STAG2: variants seen among roughly 807,000 people sequenced by gnomAD.
STAG2 encodes STAG2 cohesin complex component.
In STAG2, 14 loss-of-function variants were observed where a neutral mutation model predicts 108.1. The observed-to-expected ratio is 0.13, with a 90% CI of 0.09 to 0.20. The LOEUF is 0.20. STAG2 is among the 10% of genes least tolerant of loss of function. The pLI, the probability that STAG2 is intolerant of heterozygous loss-of-function variation, is 1.00. For synonymous variants in STAG2, 307 were observed against 302.7 expected (o/e 1.01, Z -0.15); for missense variants, 440 against 940.9 (o/e 0.47, Z 6.96).
At chrX:124,001,292 G>A (rs1280369406) in intron 1 of STAG2, among the ~76,000 whole-genome samples, 1 of 110,975 alleles carries the variant, frequency 9.0e-6, no homozygotes, top group Non-Finnish European at 1.9e-5. Flanking sequence ...GGGTTTCACC[G>A]TGTTAGCCAG....
chrX:124,100,290 G>C (rs776884316), intron 34 of STAG2, among the ~76,000 whole-genome samples: 94 of 111,039 alleles, frequency 8.5e-4, no homozygotes, highest in Non-Finnish European at 1.9e-4. Flanking sequence ...TATGTTTAGG[G>C]TATTATCTAG....
At chrX:124,015,187 C>T (rs1331486334) in intron 1 of STAG2, among the ~76,000 whole-genome samples, 1 of 106,210 alleles carries the variant, frequency 9.4e-6, no homozygotes, top group African/African-American at 3.4e-5. Flanking sequence ...GGGGTTTCAC[C>T]GTGTTAGCCA....
At chrX:123,981,790 T>C (rs959138652) in intron 1 of STAG2, among the ~76,000 whole-genome samples, 2 of 111,538 alleles carry the variant, frequency 1.8e-5, no homozygotes, top group African/African-American at 6.5e-5. Flanking sequence ...CTTGCCCTTA[T>C]GGAATTTACA....
intron 8 of STAG2, among the ~76,000 whole-genome samples, chrX:124,045,775 T>C (rs1458584921): frequency 9.0e-6 from 1 of 111,047 alleles, no homozygotes; most frequent in Non-Finnish European, 1.9e-5. Context: ...TTTTGAAAGA[T>C]ATGTTACCAG....
At chrX:124,069,216 TA>T in intron 24 of STAG2, among the ~76,000 whole-genome samples, 1 of 112,498 alleles carries the variant, frequency 8.9e-6, no homozygotes, top group Middle Eastern at 4.6e-3. Context: ...ATCCTAGAAC[TA>T]ACATCATGTT....
chrX:123,965,065 T>A (rs1294434822), intron 1 of STAG2, among the ~76,000 whole-genome samples: 2 of 107,006 alleles, frequency 1.9e-5, no homozygotes, highest in Non-Finnish European at 3.8e-5. Flanking sequence ...CCGAAAGGAA[T>A]CCAAAACAAT....
intron 34 of STAG2, among the ~76,000 whole-genome samples, chrX:124,097,079 C>T (rs979312390): frequency 2.0e-5 from 2 of 99,589 alleles, no homozygotes; most frequent in East Asian, 6.7e-4. Flanking sequence ...CTCAGGAGGG[C>T]GAGGTGGGAG....
At chrX:124,048,920 C>CT in intron 9 of STAG2, 85 bp from the exon 10 acceptor site, 2 of 760,093 alleles carry the variant, frequency 2.6e-6, no homozygotes, top group Non-Finnish European at 4.0e-6. Context: ...GGGAATTCTG[C>CT]TTTTTTTGTG....
intron 13 of STAG2, among the ~76,000 whole-genome samples, chrX:124,051,748 G>A (rs1569513133): frequency 9.1e-6 from 1 of 110,419 alleles, no homozygotes; most frequent in Admixed American, 9.6e-5. Flanking sequence ...CCGCCACGAC[G>A]CCTGGCTTAT....
chrX:123,971,081 A>T (rs1204787927), intron 1 of STAG2, among the ~76,000 whole-genome samples: 1 of 111,893 alleles, frequency 8.9e-6, no homozygotes, highest in Non-Finnish European at 1.9e-5. Flanking sequence ...AAGAAACTGA[A>T]GCATAGGGAG....
At chrX:124,066,098 A>T (rs1239346573) in intron 21 of STAG2, 77 bp from the exon 22 acceptor site, 1 of 987,275 alleles carries the variant, frequency 1.0e-6, no homozygotes. Flanking sequence ...TTAACAGTCA[A>T]GTCCAAAACA....
rs747993458 is a variant in STAG2 at position 123,967,173 on chromosome X, C to G, written c.-163+5317C>G. ...GTGCTGGGATTACAGGCGGAGCCACCGTGCCTGGCCAAGAAGAGATTATTG... is the reference window on the plus strand; with the variant it reads ...GTGCTGGGATTACAGGCGGAGCCACGGTGCCTGGCCAAGAAGAGATTATTG... On this transcript the variant is annotated intron_variant, in intron 1 of 34. Transcript: ENST00000371145. 3.6e-5 allele frequency among the ~76,000 whole-genome samples: 4 copies of G among 110,104 alleles called. No homozygotes were observed. In the South Asian group the frequency reaches 1.6e-3, roughly 43 times the overall value.
At chrX:124,086,865 C>T (rs2059120337) in intron 30 of STAG2, 95 bp downstream of exon 30, 1 of 684,126 alleles carries the variant, frequency 1.5e-6, no homozygotes, top group African/African-American at 2.2e-5. Context: ...GAGATGTGTT[C>T]AATAATAGCT....
At chrX:123,994,390 G>T (rs1283649027) in intron 1 of STAG2, among the ~76,000 whole-genome samples, 1 of 110,948 alleles carries the variant, frequency 9.0e-6, no homozygotes, top group Non-Finnish European at 1.9e-5. Context: ...GCCACGTTGG[G>T]GATCAAATTT....
chrX:123,974,577 CTTTT>C (rs778065126), intron 1 of STAG2, among the ~76,000 whole-genome samples: 38 of 85,204 alleles, frequency 4.5e-4, no homozygotes, highest in African/African-American at 1.5e-3. Context: ...TTGATACCTT[CTTTT>C]TTTTTTTTTT....
At chrX:124,056,283 C>T in intron 14 of STAG2, 48 bp downstream of exon 14, 2 of 914,708 alleles carry the variant, frequency 2.2e-6, no homozygotes, top group Non-Finnish European at 3.1e-6. Flanking sequence ...ACTTTCATAA[C>T]AGTAATTTGT....
chrX:124,056,242 CTA>C lies in STAG2; in HGVS notation c.1304+13_1304+14del. 1.7e-6 allele frequency: 2 copies of C among 1,154,874 alleles called. No individual in the cohort carries two copies. The highest frequency in any genetic ancestry group is 2.4e-6 in the Non-Finnish European group (2 of 847,627). On this transcript the variant is annotated splice_region_variant and intron_variant, in intron 14 of 34. Coordinates refer to ENST00000371145, the MANE Select transcript of STAG2 (RefSeq NM_001042750.2). ...GAGAATTTCTCTACAAAAAGTAAAT[CTA>C]TATATCTGTTACTCATTTTCTAAGG...
At chrX:124,051,076 A>G in intron 11 of STAG2, 45 bp from the exon 12 acceptor site, 1 of 768,852 alleles carries the variant, frequency 1.3e-6, no homozygotes, top group Non-Finnish European at 1.9e-6. Flanking sequence ...GAAAATACAT[A>G]GAGTTTTAAT....
At chrX:124,068,027 T>G (rs2058579937) in intron 23 of STAG2, among the ~76,000 whole-genome samples, 2 of 101,238 alleles carry the variant, frequency 2.0e-5, no homozygotes, top group African/African-American at 7.0e-5. Flanking sequence ...TAGAGTGAGC[T>G]CCATCTCAAA....
Sources: allele counts gnomAD v4.1 joint callset (sites outside exome capture counted in the v4.1 genomes callset), GRCh38; gene constraint gnomAD v4.1.1; transcripts MANE v1.5; gene names NCBI Gene and HGNC (gene_info 2026-07-23, HGNC 2026-07-21).